Variants in KIFC1 observed in about 807,000 individuals in gnomAD.
KIFC1 encodes the protein kinesin-like protein KIFC1.
A neutral mutation model predicts 66.6 loss-of-function variants in KIFC1; 37 were observed. The observed-to-expected ratio is 0.56, with a 90% confidence interval of 0.43 to 0.73. The LOEUF is 0.73. Ranked by LOEUF, KIFC1 falls within the 30% of genes least tolerant of loss-of-function variation. The pLI, the probability that KIFC1 is intolerant of heterozygous loss-of-function variation, is 0.00. For synonymous variants in KIFC1, 325 were observed against 343.5 expected (o/e 0.95, Z 0.60); for missense variants, 721 against 859.8 (o/e 0.84, Z 2.02).
Position 33,405,929 on chromosome 6 carries a change from C to T in KIFC1, c.1537-267C>T, listed in dbSNP as rs932734861. ...CCTGGCTGTTCCTCAACCAGCTAGT[C>T]GTGCTCCCCATCTCAGGGCCTTTGC... On this transcript the variant is annotated intron_variant, in intron 7 of 10. Transcript: ENST00000428849. The surrounding 1 kb of genome is among the most constrained non-coding windows in gnomAD (Gnocchi z 5.4). 3.9e-5 allele frequency among the ~76,000 whole-genome samples: 6 copies of T among 152,164 alleles called. No individual in the cohort carries two copies. The highest frequency in any genetic ancestry group is 1.2e-4 in the African/African-American group (5 of 41,418).
rs547197204 is a variant in KIFC1, at chr6:33,401,259, C to G, written c.251-2055C>G. Among the ~76,000 whole-genome samples the G allele has an allele frequency of 3.3e-5, 5 of 151,886 alleles. No individual in the cohort carries two copies. In the East Asian group the frequency reaches 9.8e-4, roughly 30 times the overall value. ...AAGTGATTCTCCTGCCTCAGCCTCC[C>G]GAGTAGCTGGGACTATAGGTGTGTG... On this transcript the variant is annotated intron_variant, in intron 3 of 10. Transcript: ENST00000428849. This position sits in a 1 kb window ranked among gnomAD's most constrained non-coding sequence, Gnocchi z 4.5.
intron 3 of KIFC1, among the ~76,000 whole-genome samples, chr6:33,402,676 G>A (rs1483218469): frequency 6.6e-6 from 1 of 151,424 alleles, no homozygotes; most frequent in African/African-American, 2.4e-5. Flanking sequence ...GTTGTAGTGA[G>A]CTGAGATCGC....
At chr6:33,398,996 C>T (rs1439195315) in intron 3 of KIFC1, among the ~76,000 whole-genome samples, 1 of 152,224 alleles carries the variant, frequency 6.6e-6, no homozygotes, top group Non-Finnish European at 1.5e-5. Context: ...CCTGCTTTTA[C>T]TTATCTTAAT....
Position 33,403,970 on chromosome 6 carries a change from TGA to T in KIFC1, c.599_600del (p.Glu200AlafsTer85). On this transcript the variant is annotated frameshift_variant, in exon 6 of 11. Coordinates refer to ENST00000428849, the MANE Select transcript of KIFC1 (RefSeq NM_002263.4). LOFTEE classifies it high-confidence loss of function. The surrounding 1 kb of genome is among the most constrained non-coding windows in gnomAD (Gnocchi z 4.6). ...GHLAKVQAQA[E>X]QGQQELKNLR... ...ATTTAGCCAAGGTACAGGCCCAGGC[TGA>T]GCAGGGCCAACAGGAGCTGAAGAAC... 1 of 1,614,208 alleles carries T rather than the reference TGA, an allele frequency of 6.2e-7. No homozygotes were observed. Among genetic ancestry groups the T allele is most frequent in the Non-Finnish European group, 8.5e-7 (1 of 1,180,026 alleles).
chr6:33,405,439 G>T lies in KIFC1; in HGVS notation c.1344G>T (p.Leu448=), dbSNP rs778843801. ...LRHLFSVAQE[L]SGQGWTYSFV... is the part of the protein sequence containing the mutation. Reference sequence around the variant, plus strand: ...ACCTCTTCTCTGTGGCTCAGGAGCTGAGTGGTCAGGGCTGGACCTACAGCT... The same window carrying T: ...ACCTCTTCTCTGTGGCTCAGGAGCTTAGTGGTCAGGGCTGGACCTACAGCT... The change falls in exon 7 of 11, where the codon CTG becomes CTT. Residue 448 remains leucine (L), a synonymous_variant. Transcript: ENST00000428849. The surrounding 1 kb of genome is among the most constrained non-coding windows in gnomAD (Gnocchi z 5.4). 11 of 1,604,902 alleles carry T rather than the reference G, an allele frequency of 6.9e-6. No individual in the cohort carries two copies. In the South Asian group the frequency reaches 7.8e-5, roughly 11 times the overall value.
rs1478994449 is a variant in KIFC1, at chr6:33,400,252, C to T, written c.250+1865C>T. The T allele has an allele frequency of 1.3e-6, 2 of 1,564,744 alleles. No homozygotes were observed. The highest frequency in any genetic ancestry group is 1.7e-6 in the Non-Finnish European group (2 of 1,150,768). On this transcript the variant is annotated intron_variant, in intron 3 of 10. Coordinates refer to ENST00000428849, the MANE Select transcript of KIFC1 (RefSeq NM_002263.4). The surrounding 1 kb of genome is among the most constrained non-coding windows in gnomAD (Gnocchi z 4.3). ...GACGATCTCATCAAAAGTGATATTC[C>T]CATTGTGTTTAATGTTTTTCTGTTT...
chr6:33,391,993 C>G lies in KIFC1; in HGVS notation c.8C>G (p.Pro3Arg). 1 of 1,613,886 alleles carries G rather than the reference C, an allele frequency of 6.2e-7. No individual in the cohort carries two copies. Among genetic ancestry groups the G allele is most frequent in the Non-Finnish European group, 8.5e-7 (1 of 1,179,928 alleles). MDPQRSPLLEVKG... is the reference protein window; with the variant it reads MDRQRSPLLEVKG... Reference sequence around the variant, plus strand: ...TGTGGGACCGAGGTGGACATGGATCCGCAGGTGAGTAGGGGCGGCGCAGGT... The same window carrying G: ...TGTGGGACCGAGGTGGACATGGATCGGCAGGTGAGTAGGGGCGGCGCAGGT... The change falls in exon 1 of 11, where the codon CCG (proline) becomes CGG (arginine). Residue 3 changes from proline to arginine, a missense_variant. By Grantham distance (103) the Pro-to-Arg change is moderately radical (BLOSUM62 -2). Coordinates refer to ENST00000428849, the MANE Select transcript of KIFC1 (RefSeq NM_002263.4).
rs1269310765 is a variant in KIFC1 at position 33,406,038 on chromosome 6, T to C, written c.1537-158T>C. The stretch of plus-strand genomic sequence containing the variant: ...GCCTTTATACACTCCCTATTCTATG[T>C]ATTCCTTACCATTTTCAGACATACT... On this transcript the variant is annotated intron_variant, in intron 7 of 10. Coordinates refer to ENST00000428849, the MANE Select transcript of KIFC1 (RefSeq NM_002263.4). The surrounding 1 kb of genome is among the most constrained non-coding windows in gnomAD (Gnocchi z 4.5). Among the ~76,000 whole-genome samples, 2 of 152,164 alleles carry C rather than the reference T, an allele frequency of 1.3e-5. No individual in the cohort carries two copies. The highest frequency in any genetic ancestry group is 4.8e-5 in the African/African-American group (2 of 41,434).
At position 33,405,922 on chromosome 6, in the gene KIFC1, A is replaced by T. The variant is rs1441915703; in HGVS notation, c.1537-274A>T. On this transcript the variant is annotated intron_variant, in intron 7 of 10. Coordinates refer to ENST00000428849, the MANE Select transcript of KIFC1 (RefSeq NM_002263.4). This position sits in a 1 kb window ranked among gnomAD's most constrained non-coding sequence, Gnocchi z 5.4. ...CTGGCCTCCTGGCTGTTCCTCAACC[A>T]GCTAGTCGTGCTCCCCATCTCAGGG... is the stretch of plus-strand genomic sequence containing the variant. Among the ~76,000 whole-genome samples the T allele has an allele frequency of 6.6e-6, 1 of 152,130 alleles. No individual in the cohort carries two copies. Among genetic ancestry groups the T allele is most frequent in the Non-Finnish European group, 1.5e-5 (1 of 68,018 alleles).
At position 33,406,499 on chromosome 6, in the gene KIFC1, G is replaced by A; in HGVS notation, c.1827+13G>A. 1 of 1,604,048 alleles carries A rather than the reference G, an allele frequency of 6.2e-7. No individual in the cohort carries two copies. The highest frequency in any genetic ancestry group is 8.5e-7 in the Non-Finnish European group (1 of 1,173,778). ...CCTGAGCAACAAGGTGGGAATGGGA[G>A]TGGGGTGAGATACGGGACCTGGGGG... On this transcript the variant is annotated intron_variant, in intron 8 of 10. Coordinates refer to ENST00000428849, the MANE Select transcript of KIFC1 (RefSeq NM_002263.4). This position sits in a 1 kb window ranked among gnomAD's most constrained non-coding sequence, Gnocchi z 4.5.
intron 1 of KIFC1, among the ~76,000 whole-genome samples, chr6:33,394,728 C>T (rs964590351): frequency 5.3e-5 from 8 of 152,172 alleles, no homozygotes; most frequent in Non-Finnish European, 7.3e-5. Flanking sequence ...GTGATCCGCC[C>T]GCCTCGGCCT....
intron 1 of KIFC1, among the ~76,000 whole-genome samples, chr6:33,396,924 T>C (rs420714): frequency 0.31 from 46,839 of 150,550 alleles, 8,610 homozygotes; most frequent in South Asian, 0.39. Context: ...CCTTGTGATC[T>C]GCCCGCCTCG....
At chr6:33,398,420 A>G in intron 3 of KIFC1, 33 bp downstream of exon 3, 1 of 1,435,156 alleles carries the variant, frequency 7.0e-7, no homozygotes, top group Non-Finnish European at 9.8e-7. Context: ...CTCCAAGGAC[A>G]TGGAAGTCCA....
Position 33,406,129 on chromosome 6 carries a change from A to G in KIFC1, c.1537-67A>G, listed in dbSNP as rs757459976. The G allele has an allele frequency of 5.0e-5, 72 of 1,444,436 alleles. No homozygotes were observed. The highest frequency in any genetic ancestry group is 6.6e-5 in the Non-Finnish European group (70 of 1,067,086). The allele number at this position is 1,444,436 out of a possible 1,614,324, so 89.5% of individuals were successfully genotyped here. A position where few individuals can be genotyped will look rare whatever the true frequency, so the allele number is the denominator to read the frequency against. On this transcript the variant is annotated intron_variant, in intron 7 of 10. Coordinates refer to ENST00000428849, the MANE Select transcript of KIFC1 (RefSeq NM_002263.4). The surrounding 1 kb of genome is among the most constrained non-coding windows in gnomAD (Gnocchi z 4.5). ...AGAGGGTGGGGGTGGGCTCTTATTC[A>G]TTTCCATACATATTACTATGTACTG...
In KIFC1 at chr6:33,406,942, C is replaced by T. The variant is rs1282139858; in HGVS notation, c.1977+67C>T. 1.2e-6 allele frequency: 2 copies of T among 1,602,816 alleles called. No individual in the cohort carries two copies. The highest frequency in any genetic ancestry group is 2.2e-5 in the East Asian group (1 of 44,654). Reference sequence around the variant, plus strand: ...GTTGTAGGCTTCTCCATTCCAATCCCTTTTGTCTTCTAGGGCAGGGAGCAC... The same window carrying T: ...GTTGTAGGCTTCTCCATTCCAATCCTTTTTGTCTTCTAGGGCAGGGAGCAC... On this transcript the variant is annotated intron_variant, in intron 10 of 10. Coordinates refer to ENST00000428849, the MANE Select transcript of KIFC1 (RefSeq NM_002263.4). The surrounding 1 kb of genome is among the most constrained non-coding windows in gnomAD (Gnocchi z 4.5).
rs752059822 is a variant in KIFC1 at position 33,409,703 on chromosome 6, A to ATC, written c.*15_*16dup. 0.023 allele frequency: 30,640 copies of ATC among 1,320,974 alleles called. 2,522 individuals are homozygous for ATC. The highest frequency in any genetic ancestry group is 0.042 in the East Asian group (1,495 of 35,734). The allele number at this position is 1,320,974 out of a possible 1,614,324, so 81.8% of individuals were successfully genotyped here. A position where few individuals can be genotyped will look rare whatever the true frequency, so the allele number is the denominator to read the frequency against. ...CAACAGGAAGTGAAGACGGATCCAG[A>ATC]TCTGTGTGTGTGTGTGTGTGTGTGT... On this transcript the variant is annotated 3_prime_UTR_variant, in exon 11 of 11. Coordinates refer to ENST00000428849, the MANE Select transcript of KIFC1 (RefSeq NM_002263.4).
Position 33,409,725 on chromosome 6 carries a change from G to A in KIFC1, c.*35G>A. The stretch of plus-strand genomic sequence containing the variant: ...CAGATCTGTGTGTGTGTGTGTGTGT[G>A]TGTGTGTGTGTGTGTGTGTGTGTGT... On this transcript the variant is annotated 3_prime_UTR_variant, in exon 11 of 11. Transcript: ENST00000428849. 1.5e-6 allele frequency: 2 copies of A among 1,359,172 alleles called. No individual in the cohort carries two copies. The highest frequency in any genetic ancestry group is 1.0e-6 in the Non-Finnish European group (1 of 979,922). The allele number at this position is 1,359,172 out of a possible 1,614,324, so 84.2% of individuals were successfully genotyped here. A position where few individuals can be genotyped will look rare whatever the true frequency, so the allele number is the denominator to read the frequency against.
In KIFC1 at chr6:33,394,056, A is replaced by T. The variant is rs550680583; in HGVS notation, c.12+2059A>T. ...CCACTGCACCTGGCCAACATTTTTTATTGTCGTGACTAGGTGGGGGGTTGC... is the reference window on the plus strand; with the variant it reads ...CCACTGCACCTGGCCAACATTTTTTTTTGTCGTGACTAGGTGGGGGGTTGC... On this transcript the variant is annotated intron_variant, in intron 1 of 10. Coordinates refer to ENST00000428849, the MANE Select transcript of KIFC1 (RefSeq NM_002263.4). Among the ~76,000 whole-genome samples the T allele has an allele frequency of 1.1e-4, 16 of 151,900 alleles. No homozygotes were observed. In the East Asian group the frequency reaches 3.1e-3, roughly 29 times the overall value.
At chr6:33,392,678 A>C (rs1372611924) in intron 1 of KIFC1, among the ~76,000 whole-genome samples, 1 of 23,986 alleles carries the variant, frequency 4.2e-5, no homozygotes, top group Non-Finnish European at 6.4e-5. Context: ...CTCTGGTGCC[A>C]GGAAAGGTCT....
Sources: gnomAD v4.1 joint callset for allele counts (sites outside exome capture counted in the v4.1 genomes callset) on GRCh38, gnomAD v4.1.1 for gene constraint, Gnocchi (gnomAD v3.1) non-coding constraint, MANE v1.5 for transcripts, NCBI Gene and HGNC (gene_info 2026-07-23, HGNC 2026-07-21) for gene names.